PAPPA2: variants seen among roughly 807,000 people sequenced by gnomAD.
PAPPA2 encodes pappalysin 2, also known as pappalysin-2.
In PAPPA2, 86 loss-of-function variants were observed where a neutral mutation model predicts 176.4. The ratio of observed to expected loss-of-function variants is 0.49; its 90% confidence interval spans 0.41 to 0.58. The LOEUF is 0.58. PAPPA2 is among the 20% of genes least tolerant of loss of function. The pLI is 0.00. For synonymous variants in PAPPA2, 809 were observed against 852.2 expected, an observed-to-expected ratio of 0.95 and a Z score of 0.88; for missense variants, 2,073 against 2,256.9, an observed-to-expected ratio of 0.92 and a Z score of 1.65.
intron 2 of PAPPA2, among the ~76,000 whole-genome samples, chr1:176,564,963 A>G (rs1651879951): frequency 6.6e-6 from 1 of 152,016 alleles, no homozygotes; most frequent in Admixed American, 6.6e-5. Context: ...CACCATAGCC[A>G]TAGCCATCAG....
intron 12 of PAPPA2, among the ~76,000 whole-genome samples, chr1:176,727,790 T>C (rs953246130): frequency 6.6e-6 from 1 of 152,002 alleles, no homozygotes; most frequent in Admixed American, 6.5e-5. Flanking sequence ...AGACAGACCA[T>C]ATACTAGACC....
At chr1:176,542,140 G>C (rs956542863) in intron 1 of PAPPA2, among the ~76,000 whole-genome samples, 2 of 152,050 alleles carry the variant, frequency 1.3e-5, no homozygotes, top group African/African-American at 2.4e-5. Flanking sequence ...TCCTCTTATA[G>C]ATAGAGCATT....
Position 176,702,624 on chromosome 1 carries a change from A to G in PAPPA2, c.3254A>G (p.Gln1085Arg). 6.2e-7 allele frequency: 1 copy of G among 1,614,150 alleles called. No individual in the cohort carries two copies. Residue 1085 changes from glutamine to arginine, a missense_variant, in exon 9 of 23, where the codon CAG becomes CGG. Around this residue, in one of 4 missense-constraint regions of PAPPA2, gnomAD observed 846 missense variants for 857.9 expected, o/e 0.99. Coordinates refer to ENST00000367662, the MANE Select transcript of PAPPA2 (RefSeq NM_020318.3). The part of the protein sequence containing the change: ...KFTDVEVTPG[Q>R]MYQYQVLAEA... Reference sequence around the variant, plus strand: ...TTCCACAGGGAGGTCACACCTGGACAGATGTATCAGTACCAAGTTCTAGCT... The same window carrying G: ...TTCCACAGGGAGGTCACACCTGGACGGATGTATCAGTACCAAGTTCTAGCT...
At chr1:176,795,991 A>T (rs1309457441) in intron 20 of PAPPA2, among the ~76,000 whole-genome samples, 1 of 152,216 alleles carries the variant, frequency 6.6e-6, no homozygotes, top group Non-Finnish European at 1.5e-5. Flanking sequence ...GAGGAAGAAA[A>T]CGAGAAGATA....
intron 7 of PAPPA2, among the ~76,000 whole-genome samples, chr1:176,697,313 T>C (rs1300482911): frequency 1.3e-5 from 2 of 152,226 alleles, no homozygotes; most frequent in Non-Finnish European, 2.9e-5. Flanking sequence ...AGGACCTTTA[T>C]GCTGCTAGTA....
chr1:176,578,053 T>C (rs1328472239), intron 2 of PAPPA2, among the ~76,000 whole-genome samples: 1 of 152,100 alleles, frequency 6.6e-6, no homozygotes, highest in Non-Finnish European at 1.5e-5. Flanking sequence ...CCATGGGGGT[T>C]TCCTGGAAGT....
rs1361271023 is a variant in PAPPA2, at chr1:176,690,413, A to G, written c.2414A>G (p.Asn805Ser). ...CGCTTCCCAGGGGCTCCGTTCACCAACTACATGAGCTACACGGGTATCACC... is the reference window on the plus strand; with the variant it reads ...CGCTTCCCAGGGGCTCCGTTCACCAGCTACATGAGCTACACGGGTATCACC... ...FTRFPGAPFT[N>S]YMSYTDDNCT... Residue 805 changes from asparagine (N) to serine (S), a missense_variant, in exon 5 of 23, where the codon AAC becomes AGC. This residue lies in a region of PAPPA2 where 1,196 missense variants were observed against 1,330.4 expected (regional missense o/e 0.90). Coordinates refer to ENST00000367662, the MANE Select transcript of PAPPA2 (RefSeq NM_020318.3). 1.9e-6 allele frequency: 3 copies of G among 1,614,034 alleles called. No individual in the cohort carries two copies. Among genetic ancestry groups the G allele is most frequent in the Non-Finnish European group, 1.7e-6 (2 of 1,180,010 alleles).
intron 3 of PAPPA2, chr1:176,616,801 T>A: frequency 1.3e-6 from 1 of 797,540 alleles, no homozygotes; most frequent in Non-Finnish European, 2.1e-6. Context: ...TTAATTTAGT[T>A]AAAAAATACT....
intron 3 of PAPPA2, among the ~76,000 whole-genome samples, chr1:176,601,714 G>A (rs1654332277): frequency 6.6e-6 from 1 of 152,212 alleles, no homozygotes; most frequent in African/African-American, 2.4e-5. Flanking sequence ...AATCACAAAT[G>A]TCATTGACTA....
At chr1:176,780,488 A>G (rs1289958002) in intron 17 of PAPPA2, among the ~76,000 whole-genome samples, 1 of 152,070 alleles carries the variant, frequency 6.6e-6, no homozygotes, top group Non-Finnish European at 1.5e-5. Flanking sequence ...TATTTCCTCC[A>G]TTTCTCCATT....
intron 1 of PAPPA2, among the ~76,000 whole-genome samples, chr1:176,493,988 T>A (rs1647456239): frequency 3.3e-5 from 5 of 152,228 alleles, no homozygotes; most frequent in Admixed American, 3.3e-4. Context: ...TATTACCAGA[T>A]GCTCAGGTCT....
At chr1:176,618,400 A>C (rs1414193222) in intron 3 of PAPPA2, among the ~76,000 whole-genome samples, 1 of 152,222 alleles carries the variant, frequency 6.6e-6, no homozygotes, top group Non-Finnish European at 1.5e-5. Flanking sequence ...ATACCAAAAT[A>C]CTCAGAGAAA....
intron 21 of PAPPA2, among the ~76,000 whole-genome samples, chr1:176,823,443 A>T (rs1291463533): frequency 6.6e-6 from 1 of 152,244 alleles, no homozygotes; most frequent in African/African-American, 2.4e-5. Flanking sequence ...TTTGGGCTTT[A>T]TTCTGCAGCC....
In PAPPA2 at chr1:176,692,108, C is replaced by T. The variant is rs527740856; in HGVS notation, c.2432-18C>T. ...GTTAAAATCTCCATCTCTTGTGCCA[C>T]CTTTTTTGTCTCCACAGATGATAAC... is the stretch of plus-strand genomic sequence containing the variant. On this transcript the variant is annotated intron_variant, in intron 5 of 22. Transcript: ENST00000367662. The T allele has an allele frequency of 3.8e-6, 6 of 1,596,380 alleles. No homozygotes were observed. The highest frequency in any genetic ancestry group is 4.3e-6 in the Non-Finnish European group (5 of 1,167,118).
At chr1:176,527,523 A>G (rs1649563512) in intron 1 of PAPPA2, among the ~76,000 whole-genome samples, 1 of 152,220 alleles carries the variant, frequency 6.6e-6, no homozygotes, top group South Asian at 2.1e-4. Flanking sequence ...CCAAGCATCT[A>G]TCACAGGGCC....
At chr1:176,782,078 A>G (rs1201118463) in intron 17 of PAPPA2, among the ~76,000 whole-genome samples, 3 of 152,228 alleles carry the variant, frequency 2.0e-5, no homozygotes, top group Non-Finnish European at 4.4e-5. Flanking sequence ...TAATTTATCC[A>G]TAGCTCCATT....
At chr1:176,821,754 A>T (rs938449170) in intron 21 of PAPPA2, among the ~76,000 whole-genome samples, 2 of 152,262 alleles carry the variant, frequency 1.3e-5, no homozygotes, top group Non-Finnish European at 2.9e-5. Context: ...AAGGCAAACC[A>T]CATGGCTGCA....
At chr1:176,677,708 C>A (rs923080817) in intron 4 of PAPPA2, among the ~76,000 whole-genome samples, 1 of 152,132 alleles carries the variant, frequency 6.6e-6, no homozygotes, top group East Asian at 1.9e-4. Flanking sequence ...GGATACCATA[C>A]TCATTGTCAT....
chr1:176,757,009 C>T lies in PAPPA2; in HGVS notation c.4152-8657C>T, dbSNP rs374188765. Among the ~76,000 whole-genome samples, 5 of 152,312 alleles carry T rather than the reference C, an allele frequency of 3.3e-5. No individual in the cohort carries two copies. In the East Asian group the frequency reaches 5.8e-4, roughly 18 times the overall value. ...TGCTGAGAATGATGGTTTCCAGCTT[C>T]ATCCATGCCCCTGCAAAGGACATGA... On this transcript the variant is annotated intron_variant, in intron 14 of 22. Coordinates refer to ENST00000367662, the MANE Select transcript of PAPPA2 (RefSeq NM_020318.3).
Sources: allele counts gnomAD v4.1 joint callset (sites outside exome capture counted in the v4.1 genomes callset), GRCh38; gene constraint gnomAD v4.1.1; regional missense constraint gnomAD v4.1.1; transcripts MANE v1.5; gene names NCBI Gene and HGNC (gene_info 2026-07-23, HGNC 2026-07-21).